The following MSH3 variants were observed in gnomAD, a reference collection of about 807,000 sequenced individuals.
MSH3 encodes mutS homolog 3.
A neutral mutation model predicts 123.3 loss-of-function variants in MSH3; 106 were observed. That is an observed-to-expected ratio of 0.86 (90% CI 0.73 to 1.01). MSH3 has a LOEUF of 1.01. Ranked by LOEUF, MSH3 falls within the 50% of genes least tolerant of loss-of-function variation. The probability of loss-of-function intolerance (pLI) is 0.00; values close to 1 mark genes in which losing one functional copy is unlikely to be tolerated. For missense variants in MSH3, 1,459 were observed against 1,347.6 expected, an observed-to-expected ratio of 1.08 and a Z score of -1.29; for synonymous variants, 515 against 481.4, an observed-to-expected ratio of 1.07 and a Z score of -0.91.
intron 8 of MSH3, among the ~76,000 whole-genome samples, chr5:80,716,282 C>T (rs764630740): frequency 6.6e-6 from 1 of 152,152 alleles, no homozygotes; most frequent in Non-Finnish European, 1.5e-5. Flanking sequence ...TAGAAAATTC[C>T]TCAGTAAACT....
At chr5:80,661,960 A>G (rs946058575) in intron 2 of MSH3, among the ~76,000 whole-genome samples, 3 of 152,224 alleles carry the variant, frequency 2.0e-5, no homozygotes, top group African/African-American at 7.2e-5. Flanking sequence ...GCATAGTAGC[A>G]GTAGCACACC....
intron 20 of MSH3, among the ~76,000 whole-genome samples, chr5:80,845,899 TTC>T (rs1445084696): frequency 6.6e-6 from 1 of 152,198 alleles, no homozygotes; most frequent in Non-Finnish European, 1.5e-5. Flanking sequence ...TGAAGCCTAC[TTC>T]TGTCAACTCA....
intron 22 of MSH3, among the ~76,000 whole-genome samples, chr5:80,868,986 G>C (rs1746152664): frequency 6.6e-6 from 1 of 152,032 alleles, no homozygotes; most frequent in Admixed American, 6.5e-5. Context: ...CATTGCGTAG[G>C]TCATCAGTAA....
intron 20 of MSH3, among the ~76,000 whole-genome samples, chr5:80,823,229 A>T (rs1047148504): frequency 5.9e-5 from 9 of 152,214 alleles, no homozygotes; most frequent in African/African-American, 2.2e-4. Flanking sequence ...TTACTTATGT[A>T]AATTTTTAAA....
chr5:80,714,140 T>TC (rs1326194795), intron 8 of MSH3, among the ~76,000 whole-genome samples: 1 of 142,424 alleles, frequency 7.0e-6, no homozygotes, highest in East Asian at 2.0e-4. Context: ...CTTTTTTTTT[T>TC]TTTTTTTTTT....
chr5:80,775,150 C>G (rs1744277111), intron 15 of MSH3, among the ~76,000 whole-genome samples: 1 of 152,030 alleles, frequency 6.6e-6, no homozygotes, highest in African/African-American at 2.4e-5. Flanking sequence ...GAAGAAAACT[C>G]TCATATGGGA....
At chr5:80,866,453 TC>T (rs1316419593) in intron 22 of MSH3, among the ~76,000 whole-genome samples, 1 of 152,214 alleles carries the variant, frequency 6.6e-6, no homozygotes, top group African/African-American at 2.4e-5. Context: ...TTAATTTTTA[TC>T]AATGAACATA....
intron 20 of MSH3, among the ~76,000 whole-genome samples, chr5:80,836,421 C>T (rs950790944): frequency 4.0e-5 from 6 of 151,714 alleles, no homozygotes; most frequent in Non-Finnish European, 5.9e-5. Flanking sequence ...ACAGAAGCAG[C>T]TTAAGGATGA....
chr5:80,729,413 C>CAAAAA (rs71603562), intron 10 of MSH3, among the ~76,000 whole-genome samples: 3 of 66,284 alleles, frequency 4.5e-5, no homozygotes, highest in African/African-American at 1.2e-4. Flanking sequence ...GACTCCGTCC[C>CAAAAA]AAAAAAAAAA....
chr5:80,743,737 G>A lies in MSH3; in HGVS notation c.1654-769G>A, dbSNP rs1272013176. Among the ~76,000 whole-genome samples the A allele has an allele frequency of 1.2e-4, 6 of 49,950 alleles. 2 individuals carry two copies. Among genetic ancestry groups the A allele is most frequent in the Admixed American group, 1.2e-3 (5 of 4,342 alleles). The allele number at this position is 49,950 out of a possible 152,430, so 32.8% of individuals were successfully genotyped here. On this transcript the variant is annotated intron_variant, in intron 11 of 23. Coordinates refer to ENST00000265081, the MANE Select transcript of MSH3 (RefSeq NM_002439.5). The stretch of plus-strand genomic sequence containing the variant: ...CGGGCGCCTGTAGTCCCAGCTACTC[G>A]GGAGGCTGAGGCAGGAGAATGGCGT...
intron 2 of MSH3, among the ~76,000 whole-genome samples, chr5:80,660,021 T>C (rs1749394556): frequency 7.1e-6 from 1 of 140,804 alleles, no homozygotes; most frequent in Non-Finnish European, 1.6e-5. Flanking sequence ...GCCAGTTAAG[T>C]ACGTATTTTT....
chr5:80,809,715 A>G (rs1437590335), intron 19 of MSH3, among the ~76,000 whole-genome samples: 1 of 152,162 alleles, frequency 6.6e-6, no homozygotes. Context: ...TCTCTCTGGC[A>G]TTACATTCTT....
intron 19 of MSH3, among the ~76,000 whole-genome samples, chr5:80,799,913 T>G (rs1222458880): frequency 2.0e-5 from 3 of 152,238 alleles, no homozygotes; most frequent in Admixed American, 2.0e-4. Context: ...AGAAAATCAT[T>G]AGCACAGTGC....
intron 20 of MSH3, among the ~76,000 whole-genome samples, chr5:80,818,402 C>CAAAA (rs71603566): frequency 0.049 from 3,096 of 63,636 alleles, 220 homozygotes; most frequent in Non-Finnish European, 0.058. Context: ...ATAGCAATGA[C>CAAAA]AAAAAAAAAA....
chr5:80,691,531 C>CT (rs577105178), intron 8 of MSH3, among the ~76,000 whole-genome samples: 77 of 143,468 alleles, frequency 5.4e-4, no homozygotes, highest in South Asian at 4.2e-3. Context: ...CAATGCAATT[C>CT]TTTTTTTTTT....
At position 80,761,582 on chromosome 5, in the gene MSH3, T is replaced by G; in HGVS notation, c.1800T>G (p.Val600=). 3 of 1,614,112 alleles carry G rather than the reference T, an allele frequency of 1.9e-6. No individual in the cohort carries two copies. The highest frequency in any genetic ancestry group is 2.5e-6 in the Non-Finnish European group (3 of 1,180,004). ...INARLDAVSE[V]LHSESSVFGQ... ...CCCGGCTTGATGCTGTATCGGAAGT[T>G]CTCCATTCAGAATCTAGTGTGTTTG... The change falls in exon 13 of 24, where the codon GTT becomes GTG. Residue 600 remains valine, a synonymous_variant. Coordinates refer to ENST00000265081, the MANE Select transcript of MSH3 (RefSeq NM_002439.5).
At chr5:80,857,786 T>TTA in intron 21 of MSH3, among the ~76,000 whole-genome samples, 1 of 152,316 alleles carries the variant, frequency 6.6e-6, no homozygotes, top group African/African-American at 2.4e-5. Flanking sequence ...TCTTTTGTTC[T>TTA]TAGTTAGCTT....
intron 20 of MSH3, among the ~76,000 whole-genome samples, chr5:80,852,631 G>A (rs890034069): frequency 1.3e-5 from 2 of 152,134 alleles, no homozygotes; most frequent in African/African-American, 4.8e-5. Context: ...ACCAGTATTC[G>A]AACTTTGAAA....
chr5:80,778,926 CA>C, intron 17 of MSH3, 90 bp downstream of exon 17: 1 of 757,120 alleles, frequency 1.3e-6, no homozygotes, highest in Non-Finnish European at 2.4e-6. Flanking sequence ...ATAGAGATTA[CA>C]GCTCATGACC....
Sources: gnomAD v4.1 joint callset for allele counts (sites outside exome capture counted in the v4.1 genomes callset) on GRCh38, gnomAD v4.1.1 for gene constraint, MANE v1.5 for transcripts, NCBI Gene and HGNC (gene_info 2026-07-23, HGNC 2026-07-21) for gene names.